ENOX2: variants seen among roughly 807,000 people sequenced by gnomAD.
ENOX2 encodes the protein APK1 antigen.
A neutral mutation model predicts 45.0 loss-of-function variants in ENOX2; 36 were observed. The ratio of observed to expected loss-of-function variants is 0.80; its 90% CI spans 0.61 to 1.06. The LOEUF is 1.06. ENOX2 is among the 50% of genes least tolerant of loss of function. ENOX2 has a pLI of 0.00. For synonymous variants in ENOX2, 174 were observed against 152.3 expected (o/e 1.14, Z -1.05); for missense variants, 423 against 462.5 (o/e 0.91, Z 0.78).
chrX:130,848,830 A>C (rs894365367), intron 2 of ENOX2, among the ~76,000 whole-genome samples: 81 of 111,665 alleles, frequency 7.3e-4, no homozygotes, highest in African/African-American at 2.4e-3. Context: ...ACAAAAAAAA[A>C]CCAAAAAAAA....
chrX:130,817,841 C>CT (rs1480146442), intron 2 of ENOX2, among the ~76,000 whole-genome samples: 3 of 112,103 alleles, frequency 2.7e-5, no homozygotes, highest in Admixed American at 9.4e-5. Context: ...GAAGCATTCC[C>CT]TTTGAAAACT....
At chrX:130,717,858 C>A (rs1327801791) in intron 3 of ENOX2, among the ~76,000 whole-genome samples, 1 of 111,729 alleles carries the variant, frequency 9.0e-6, no homozygotes, top group Non-Finnish European at 1.9e-5. Flanking sequence ...CTTCCATCTC[C>A]CCTGAAAGAT....
chrX:130,630,643 GAGTA>G (rs1227366471), intron 13 of ENOX2, among the ~76,000 whole-genome samples: 1 of 111,615 alleles, frequency 9.0e-6, no homozygotes, highest in African/African-American at 3.3e-5. Flanking sequence ...AAATCAGTAA[GAGTA>G]AGTAAGGCAC....
At position 130,628,678 on chromosome X, in the gene ENOX2, C is replaced by G. The variant is rs778636929; in HGVS notation, c.1529-635G>C. 6.1e-4 allele frequency among the ~76,000 whole-genome samples: 68 copies of G among 112,232 alleles called. No individual in the cohort carries two copies. In the South Asian group the frequency reaches 0.023, roughly 39 times the overall value. On this transcript the variant is annotated intron_variant, in intron 13 of 14. Transcript: ENST00000394363. ...GCTAACTCAAGTGGTCACTAGCATTCCATGCTTAGAGCCTTGAATCTCTTT... is the reference window on the plus strand; with the variant it reads ...GCTAACTCAAGTGGTCACTAGCATTGCATGCTTAGAGCCTTGAATCTCTTT...
At position 130,830,823 on chromosome X, in the gene ENOX2, G is replaced by C. The variant is rs924089801; in HGVS notation, c.-182-47133C>G. 3.6e-5 allele frequency among the ~76,000 whole-genome samples: 4 copies of C among 111,793 alleles called. No individual in the cohort carries two copies. In the Admixed American group the frequency reaches 3.8e-4, roughly 11 times the overall value. ...CAGTAAGTAAATAGCCTCCTAACTG[G>C]CTGTGTCATGCTTCCACTCTTGCCC... On this transcript the variant is annotated intron_variant, in intron 2 of 14. Coordinates refer to ENST00000394363, the MANE Select transcript of ENOX2 (RefSeq NM_006375.4).
rs73635942 is a variant in ENOX2 at position 130,719,239 on chromosome X, T to C, written c.-38-15985A>G. Among the ~76,000 whole-genome samples, 1,034 of 111,361 alleles carry C rather than the reference T, an allele frequency of 9.3e-3. 15 individuals are homozygous for C. The highest frequency in any genetic ancestry group is 0.033 in the African/African-American group (994 of 30,571). On this transcript the variant is annotated intron_variant, in intron 3 of 14. Transcript: ENST00000394363. ...TCCATAAAGCTGCTGGCAATTATTT[T>C]GGTGAACAGACGCAAGTTGTGCACA...
chrX:130,871,689 C>T (rs2078594197), intron 2 of ENOX2, among the ~76,000 whole-genome samples: 1 of 110,772 alleles, frequency 9.0e-6, no homozygotes, highest in African/African-American at 3.3e-5. Context: ...AGTTCTTTCC[C>T]ACAAAAGCAT....
At chrX:130,805,361 A>G (rs1726407832) in intron 2 of ENOX2, among the ~76,000 whole-genome samples, 1 of 112,103 alleles carries the variant, frequency 8.9e-6, no homozygotes, top group Non-Finnish European at 1.9e-5. Flanking sequence ...ACGGCAGGGA[A>G]TAACAGTCCA....
At chrX:130,652,249 C>G (rs2036423039) in intron 10 of ENOX2, among the ~76,000 whole-genome samples, 1 of 111,956 alleles carries the variant, frequency 8.9e-6, no homozygotes, top group Non-Finnish European at 1.9e-5. Context: ...TTTCCACAAC[C>G]CAATTCGTTT....
At chrX:130,717,055 T>C (rs750558298) in intron 3 of ENOX2, among the ~76,000 whole-genome samples, 4 of 111,976 alleles carry the variant, frequency 3.6e-5, no homozygotes, top group East Asian at 5.6e-4. Flanking sequence ...CAGAGCAAAT[T>C]TGATTTGAAA....
In ENOX2 at chrX:130,774,855, A is replaced by C. The variant is rs928215049; in HGVS notation, c.-39+8692T>G. Among the ~76,000 whole-genome samples, 15 of 112,287 alleles carry C rather than the reference A, an allele frequency of 1.3e-4. No homozygotes were observed. In the South Asian group the frequency reaches 3.7e-3, roughly 28 times the overall value. On this transcript the variant is annotated intron_variant, in intron 3 of 14. Transcript: ENST00000394363. ...ACAACCCTATTTACCTATACCACACAATGGACTGTCATTGCCAGTTTCCCC... is the reference window on the plus strand; with the variant it reads ...ACAACCCTATTTACCTATACCACACCATGGACTGTCATTGCCAGTTTCCCC...
intron 1 of ENOX2, among the ~76,000 whole-genome samples, chrX:130,902,094 T>C (rs1034554379): frequency 9.0e-6 from 1 of 111,500 alleles, no homozygotes; most frequent in African/African-American, 3.3e-5. Context: ...ACTTCCCGGG[T>C]TAGGCTTGAA....
intron 10 of ENOX2, among the ~76,000 whole-genome samples, chrX:130,653,797 G>A (rs5975215): frequency 0.012 from 1,391 of 112,427 alleles, 21 homozygotes; most frequent in African/African-American, 0.043. Flanking sequence ...TGGAAAATAA[G>A]AGGTGGGGAA....
intron 3 of ENOX2, among the ~76,000 whole-genome samples, chrX:130,720,096 T>C (rs916379627): frequency 1.8e-5 from 2 of 112,343 alleles, no homozygotes; most frequent in African/African-American, 6.5e-5. Context: ...ATTATTATGA[T>C]GCATTAGAAT....
chrX:130,779,198 A>C (rs1370465649), intron 3 of ENOX2, among the ~76,000 whole-genome samples: 3 of 112,413 alleles, frequency 2.7e-5, no homozygotes, highest in Non-Finnish European at 5.6e-5. Flanking sequence ...GAATAAATGG[A>C]TTTGCTGCCA....
intron 3 of ENOX2, among the ~76,000 whole-genome samples, chrX:130,778,706 T>C (rs539576451): frequency 1.2e-4 from 13 of 112,505 alleles, no homozygotes; most frequent in East Asian, 8.4e-4. Flanking sequence ...TAAATAATTA[T>C]TGCAAATGAA....
intron 3 of ENOX2, among the ~76,000 whole-genome samples, chrX:130,748,084 G>C (rs2039136025): frequency 1.8e-5 from 2 of 112,207 alleles, no homozygotes; most frequent in African/African-American, 6.5e-5. Flanking sequence ...GGCAAAGTCA[G>C]AGTACATATT....
chrX:130,662,848 G>A (rs1012550109), intron 9 of ENOX2, among the ~76,000 whole-genome samples: 6 of 112,247 alleles, frequency 5.3e-5, no homozygotes, highest in Admixed American at 9.4e-5. Flanking sequence ...GATATTCAAG[G>A]TGGACCTTAA....
At chrX:130,730,237 G>C (rs1365919934) in intron 3 of ENOX2, among the ~76,000 whole-genome samples, 1 of 112,378 alleles carries the variant, frequency 8.9e-6, no homozygotes, top group Non-Finnish European at 1.9e-5. Flanking sequence ...GCAGTCTGAT[G>C]TTTTATACTG....
Sources: allele counts gnomAD v4.1 joint callset (sites outside exome capture counted in the v4.1 genomes callset), GRCh38; gene constraint gnomAD v4.1.1; transcripts MANE v1.5; gene names NCBI Gene and HGNC (gene_info 2026-07-23, HGNC 2026-07-21).